The following PTPRD variants were observed in gnomAD, a reference collection of about 807,000 sequenced individuals.
PTPRD encodes protein tyrosine phosphatase receptor type D.
PTPRD carries 34 observed loss-of-function variants against 214.5 expected under a neutral mutation model. That is an observed-to-expected ratio of 0.16 (90% CI 0.12 to 0.21). The LOEUF (loss-of-function observed/expected upper bound fraction) is 0.21. Ranked by LOEUF, PTPRD falls within the 10% of genes least tolerant of loss-of-function variation. The pLI, the probability that PTPRD is intolerant of heterozygous loss-of-function variation, is 1.00. For synonymous variants in PTPRD, 1,128 were observed against 845.7 expected (o/e 1.33, Z -5.79); for missense variants, 2,545 against 2,398.7 (o/e 1.06, Z -1.27).
chr9:9,144,079 A>G (rs949955054), intron 10 of PTPRD, among the ~76,000 whole-genome samples: 4 of 152,340 alleles, frequency 2.6e-5, no homozygotes, highest in African/African-American at 9.6e-5. Context: ...AAACGAATGG[A>G]TGGAGTATTT....
At chr9:9,430,521 A>G (rs2082676960) in intron 8 of PTPRD, among the ~76,000 whole-genome samples, 2 of 152,186 alleles carry the variant, frequency 1.3e-5, no homozygotes, top group Admixed American at 6.5e-5. Context: ...GAAGCTACCA[A>G]TGATTTTCTT....
intron 7 of PTPRD, among the ~76,000 whole-genome samples, chr9:9,605,862 G>C (rs952576534): frequency 2.6e-5 from 4 of 152,074 alleles, no homozygotes; most frequent in African/African-American, 9.7e-5. Flanking sequence ...AACGATAACG[G>C]AACTTGTCAT....
chr9:9,342,571 A>G (rs1365785287), intron 9 of PTPRD, among the ~76,000 whole-genome samples: 2 of 152,176 alleles, frequency 1.3e-5, no homozygotes, highest in East Asian at 3.9e-4. Context: ...TGTTGCTTAA[A>G]GAAAGTACAG....
chr9:10,322,422 G>T (rs990859085), intron 3 of PTPRD, among the ~76,000 whole-genome samples: 1 of 151,966 alleles, frequency 6.6e-6, no homozygotes, highest in African/African-American at 2.4e-5. Flanking sequence ...TTTCACACAG[G>T]AACTAAGGAT....
At chr9:8,993,974 G>A (rs896736943) in intron 11 of PTPRD, among the ~76,000 whole-genome samples, 6 of 152,108 alleles carry the variant, frequency 3.9e-5, no homozygotes, top group Admixed American at 1.3e-4. Flanking sequence ...AGTCATCGTT[G>A]CATCCCAATA....
intron 4 of PTPRD, among the ~76,000 whole-genome samples, chr9:9,999,176 G>A (rs912577650): frequency 2.6e-5 from 4 of 152,024 alleles, no homozygotes; most frequent in African/African-American, 9.7e-5. Context: ...TCTTCCCTAC[G>A]CTCGGGCTGG....
intron 7 of PTPRD, among the ~76,000 whole-genome samples, chr9:9,670,128 T>C (rs1296773106): frequency 6.6e-6 from 1 of 152,170 alleles, no homozygotes; most frequent in African/African-American, 2.4e-5. Flanking sequence ...TAATTAGTAA[T>C]TTGTAATTTC....
At chr9:8,806,011 A>G (rs2096671280) in intron 11 of PTPRD, among the ~76,000 whole-genome samples, 1 of 149,790 alleles carries the variant, frequency 6.7e-6, no homozygotes, top group African/African-American at 2.4e-5. Flanking sequence ...AAAAAAAAAA[A>G]AGAAAGAAAA....
chr9:9,428,082 T>C (rs114066657), intron 8 of PTPRD, among the ~76,000 whole-genome samples: 2,608 of 152,222 alleles, frequency 0.017, 72 homozygotes, highest in African/African-American at 0.059. Flanking sequence ...TAAATGTATA[T>C]GGGCTAAATG....
rs201173966 is a variant in PTPRD, at chr9:10,347,409, C to CTT, written c.-599-6394_-599-6393dup. 2.4e-3 allele frequency among the ~76,000 whole-genome samples: 311 copies of CTT among 127,914 alleles called. 10 individuals are homozygous for CTT. The highest frequency in any genetic ancestry group is 0.022 in the South Asian group (88 of 3,978). 83.9% of individuals were successfully genotyped at this position (127,914 alleles called of 152,430 possible). ...AATGTCCATCATCTTAGCTATTTGT[C>CTT]TTTTTTTTTTTTTTTTTTGAGATGG... On this transcript the variant is annotated intron_variant, in intron 2 of 45. Coordinates refer to ENST00000381196, the MANE Select transcript of PTPRD (RefSeq NM_002839.4).
At position 8,583,610 on chromosome 9, in the gene PTPRD, GC is replaced by G. The variant is rs573517933; in HGVS notation, c.352+49706del. Among the ~76,000 whole-genome samples, 10 of 152,300 alleles carry G rather than the reference GC, an allele frequency of 6.6e-5. No individual in the cohort carries two copies. In the South Asian group the frequency reaches 1.9e-3, roughly 28 times the overall value. ...AAAGTTTGAAAACATGAAAACCTAT[GC>G]CATAAACTATTTAACATATATGCAC... is the stretch of plus-strand genomic sequence containing the variant. On this transcript the variant is annotated intron_variant, in intron 14 of 45. Transcript: ENST00000381196.
intron 7 of PTPRD, among the ~76,000 whole-genome samples, chr9:9,695,386 G>A (rs772805714): frequency 1.3e-5 from 2 of 152,118 alleles, no homozygotes; most frequent in Non-Finnish European, 2.9e-5. Flanking sequence ...TCATTGCTAT[G>A]AGCTGGGTTG....
intron 12 of PTPRD, among the ~76,000 whole-genome samples, chr9:8,648,074 G>A (rs1313128787): frequency 5.3e-5 from 8 of 152,230 alleles, no homozygotes; most frequent in Non-Finnish European, 2.9e-5. Flanking sequence ...ACAAGCACAC[G>A]CATTACAACA....
intron 9 of PTPRD, among the ~76,000 whole-genome samples, chr9:9,322,474 G>A (rs1269654739): frequency 1.3e-5 from 2 of 152,164 alleles, no homozygotes; most frequent in African/African-American, 2.4e-5. Context: ...TTTGATTTCA[G>A]TGTACACCTT....
intron 12 of PTPRD, among the ~76,000 whole-genome samples, chr9:8,710,887 C>T (rs889829510): frequency 1.1e-4 from 16 of 152,096 alleles, no homozygotes; most frequent in African/African-American, 3.9e-4. Context: ...TAGCCTTAAA[C>T]TTTAGGCTGA....
intron 14 of PTPRD, among the ~76,000 whole-genome samples, chr9:8,554,679 C>A (rs73430464): frequency 0.22 from 33,440 of 152,008 alleles, 5,069 homozygotes; most frequent in African/African-American, 0.44. Context: ...AATGGTTCTG[C>A]TAAAAAACAG....
chr9:8,394,947 A>G (rs2090694692), intron 36 of PTPRD, among the ~76,000 whole-genome samples: 1 of 152,050 alleles, frequency 6.6e-6, no homozygotes, highest in Non-Finnish European at 1.5e-5. Flanking sequence ...GCGGGTGATA[A>G]TAACTAAGAG....
At chr9:9,182,310 A>G (rs933714588) in intron 10 of PTPRD, among the ~76,000 whole-genome samples, 7 of 152,084 alleles carry the variant, frequency 4.6e-5, no homozygotes, top group African/African-American at 1.7e-4. Flanking sequence ...ACCCCAAAAT[A>G]AGATCAACAG....
chr9:8,660,121 C>A (rs1012014778), intron 12 of PTPRD, among the ~76,000 whole-genome samples: 1 of 152,152 alleles, frequency 6.6e-6, no homozygotes, highest in African/African-American at 2.4e-5. Flanking sequence ...TCCCAAAAAG[C>A]AAACATACCC....
Sources: gnomAD v4.1 joint callset for allele counts (sites outside exome capture counted in the v4.1 genomes callset) on GRCh38, gnomAD v4.1.1 for gene constraint, MANE v1.5 for transcripts, NCBI Gene and HGNC (gene_info 2026-07-23, HGNC 2026-07-21) for gene names.